Variants in SLC25A21 observed in about 807,000 individuals in gnomAD.
SLC25A21 encodes the protein mitochondrial 2-oxodicarboxylate carrier.
A neutral mutation model predicts 43.8 loss-of-function variants in SLC25A21; 47 were observed. The ratio of observed to expected loss-of-function variants is 1.07; its 90% CI spans 0.85 to 1.37. The LOEUF (loss-of-function observed/expected upper bound fraction) is 1.37. Ranked by LOEUF, SLC25A21 falls within the 40% of genes most tolerant of loss-of-function variation. The pLI, the probability that SLC25A21 is intolerant of heterozygous loss-of-function variation, is 0.00. For synonymous variants in SLC25A21, 131 were observed against 121.3 expected, an observed-to-expected ratio of 1.08 and a Z score of -0.52; for missense variants, 352 against 350.2, an observed-to-expected ratio of 1.00 and a Z score of -0.04.
rs1172955908 is a variant in SLC25A21, at chr14:37,098,742, TAGATAGACAGACAGAC to T, written c.70+73523_70+73538del. On this transcript the variant is annotated intron_variant, in intron 1 of 9. Transcript: ENST00000331299. ...ATAGATAGATAGATAGATAGATAGA[TAGATAGACAGACAGAC>T]AGACAGACAGACAGACAGACAGACA... Among the ~76,000 whole-genome samples the T allele has an allele frequency of 8.6e-3, 74 of 8,638 alleles. 1 individual carries two copies. Among genetic ancestry groups the T allele is most frequent in the Admixed American group, 0.035 (15 of 434 alleles). 5.7% of individuals were successfully genotyped at this position (8,638 alleles called of 152,430 possible).
chr14:36,783,506 G>A (rs1170398293), intron 3 of SLC25A21, among the ~76,000 whole-genome samples: 1 of 152,068 alleles, frequency 6.6e-6, no homozygotes, highest in Admixed American at 6.5e-5. Context: ...CTGGTGGGGG[G>A]CAAGAAAGAG....
chr14:37,075,509 C>A (rs947071270), intron 1 of SLC25A21, among the ~76,000 whole-genome samples: 2 of 152,122 alleles, frequency 1.3e-5, no homozygotes, highest in Admixed American at 6.5e-5. Flanking sequence ...ATGATACACA[C>A]ACCAAACTAT....
intron 1 of SLC25A21, among the ~76,000 whole-genome samples, chr14:37,125,622 T>C (rs1430381178): frequency 3.3e-5 from 5 of 152,230 alleles, no homozygotes; most frequent in Admixed American, 3.3e-4. Context: ...TTGTGCTATT[T>C]GGTAGAGGGT....
At chr14:36,688,494 C>T (rs892364866) in intron 7 of SLC25A21, among the ~76,000 whole-genome samples, 19 of 152,194 alleles carry the variant, frequency 1.2e-4, no homozygotes, top group African/African-American at 4.3e-4. Flanking sequence ...GGGGCTGTCC[C>T]CTCTACCCAG....
intron 5 of SLC25A21, among the ~76,000 whole-genome samples, chr14:36,727,267 T>A (rs1464594969): frequency 6.6e-6 from 1 of 152,246 alleles, no homozygotes; most frequent in Non-Finnish European, 1.5e-5. Context: ...CACAGTTTTC[T>A]CATCTGTAAA....
intron 7 of SLC25A21, among the ~76,000 whole-genome samples, chr14:36,685,323 T>C (rs974203566): frequency 1.6e-4 from 24 of 152,234 alleles, no homozygotes; most frequent in Admixed American, 7.9e-4. Flanking sequence ...ACTTCCACCA[T>C]GAAGCCTACT....
intron 1 of SLC25A21, among the ~76,000 whole-genome samples, chr14:36,976,352 A>G (rs1443034104): frequency 6.6e-6 from 1 of 152,108 alleles, no homozygotes; most frequent in Non-Finnish European, 1.5e-5. Context: ...TGTGGACCTG[A>G]GTAATTTCAG....
intron 3 of SLC25A21, among the ~76,000 whole-genome samples, chr14:36,765,697 C>G (rs888380141): frequency 1.3e-5 from 2 of 152,194 alleles, no homozygotes; most frequent in Non-Finnish European, 2.9e-5. Context: ...TTTTCCTCTG[C>G]TACCCTCAAC....
At position 36,859,016 on chromosome 14, in the gene SLC25A21, G is replaced by A. The variant is rs562426833; in HGVS notation, c.119+15940C>T. Among the ~76,000 whole-genome samples the A allele has an allele frequency of 4.6e-5, 7 of 152,236 alleles. No individual in the cohort carries two copies. The East Asian group carries it at 1.4e-3, about 29-fold the overall frequency. On this transcript the variant is annotated intron_variant, in intron 2 of 9. Coordinates refer to ENST00000331299, the MANE Select transcript of SLC25A21 (RefSeq NM_030631.4). The stretch of plus-strand genomic sequence containing the variant: ...TTCCAAGATCATCTCCTCAGAAGTT[G>A]CAGTTAACATTTTCCTAAAAAATCT...
chr14:36,979,498 G>T (rs749522636), intron 1 of SLC25A21, among the ~76,000 whole-genome samples: 1 of 151,974 alleles, frequency 6.6e-6, no homozygotes, highest in African/African-American at 2.4e-5. Context: ...TGTGACTACC[G>T]GTGTGCGCTG....
At chr14:36,997,493 G>A (rs1185639029) in intron 1 of SLC25A21, among the ~76,000 whole-genome samples, 1 of 152,112 alleles carries the variant, frequency 6.6e-6, no homozygotes, top group East Asian at 1.9e-4. Flanking sequence ...GAGATGAGAA[G>A]TAAATGTTTG....
At chr14:36,815,196 C>G (rs1027091240) in intron 2 of SLC25A21, among the ~76,000 whole-genome samples, 13 of 152,028 alleles carry the variant, frequency 8.6e-5, no homozygotes, top group Admixed American at 2.0e-4. Context: ...GGAGAGAAAG[C>G]ATTAGGACAA....
At chr14:36,752,708 C>G (rs1369509790) in intron 3 of SLC25A21, among the ~76,000 whole-genome samples, 1 of 152,192 alleles carries the variant, frequency 6.6e-6, no homozygotes, top group African/African-American at 2.4e-5. Context: ...CCATAATCCC[C>G]ACATGTTGTG....
intron 1 of SLC25A21, among the ~76,000 whole-genome samples, chr14:36,943,993 C>T (rs1877789820): frequency 6.6e-6 from 1 of 152,042 alleles, no homozygotes; most frequent in South Asian, 2.1e-4. Flanking sequence ...AGATAAAAGG[C>T]AACAGATTGG....
At chr14:36,821,160 A>C (rs1888613395) in intron 2 of SLC25A21, among the ~76,000 whole-genome samples, 2 of 152,180 alleles carry the variant, frequency 1.3e-5, no homozygotes, top group African/African-American at 4.8e-5. Flanking sequence ...CTCTGGGCAA[A>C]GACCCTAGAA....
intron 1 of SLC25A21, among the ~76,000 whole-genome samples, chr14:36,967,475 C>T (rs1347632479): frequency 6.6e-6 from 1 of 152,106 alleles, no homozygotes; most frequent in African/African-American, 2.4e-5. Flanking sequence ...GTCATTTGAC[C>T]TGAAAATGCT....
At chr14:36,860,246 G>GTCAC (rs927623078) in intron 2 of SLC25A21, among the ~76,000 whole-genome samples, 11 of 152,230 alleles carry the variant, frequency 7.2e-5, no homozygotes, top group African/African-American at 2.6e-4. Flanking sequence ...GAAGAAGCCA[G>GTCAC]TCACTCCAGG....
chr14:37,116,610 AT>A (rs1211311318), intron 1 of SLC25A21, among the ~76,000 whole-genome samples: 25 of 152,322 alleles, frequency 1.6e-4, no homozygotes, highest in East Asian at 1.9e-4. Context: ...TCAAAAAAAA[AT>A]AATGTCATTA....
chr14:36,703,849 G>C (rs986615726), intron 7 of SLC25A21, among the ~76,000 whole-genome samples: 26 of 152,194 alleles, frequency 1.7e-4, no homozygotes, highest in Admixed American at 1.4e-3. Context: ...TTTGCAATGA[G>C]AGTTTATTCC....
Sources: gnomAD v4.1 joint callset for allele counts (sites outside exome capture counted in the v4.1 genomes callset) on GRCh38, gnomAD v4.1.1 for gene constraint, MANE v1.5 for transcripts, NCBI Gene and HGNC (gene_info 2026-07-23, HGNC 2026-07-21) for gene names.